The following NUGGC variants were observed in gnomAD, a reference collection of about 807,000 sequenced individuals.
NUGGC encodes the protein nuclear GTPase, germinal center associated, also known as nuclear GTPase SLIP-GC.
A neutral mutation model predicts 92.6 loss-of-function variants in NUGGC; 58 were observed. The ratio of observed to expected loss-of-function variants is 0.63; its 90% CI spans 0.51 to 0.78. The LOEUF is 0.78. Ranked by LOEUF, NUGGC falls within the 30% of genes least tolerant of loss-of-function variation. NUGGC has a pLI of 0.00. For missense variants in NUGGC, 925 were observed against 964.6 expected, an observed-to-expected ratio of 0.96 and a Z score of 0.54; for synonymous variants, 376 against 366.4, an observed-to-expected ratio of 1.03 and a Z score of -0.30.
chr8:28,067,844 C>T, intron 5 of NUGGC, 100 bp from the exon 6 acceptor site: 1 of 869,980 alleles, frequency 1.1e-6, no homozygotes, highest in Non-Finnish European at 1.8e-6. Context: ...CAGGGGGCTG[C>T]ATATTCAGAA....
intron 8 of NUGGC, among the ~76,000 whole-genome samples, chr8:28,059,568 T>C (rs1810239721): frequency 6.6e-6 from 1 of 152,216 alleles, no homozygotes; most frequent in African/African-American, 2.4e-5. Flanking sequence ...CTGGGCTTGA[T>C]ACCTAGGTGA....
intron 10 of NUGGC, among the ~76,000 whole-genome samples, chr8:28,053,565 G>C (rs926347061): frequency 6.6e-6 from 1 of 152,164 alleles, no homozygotes; most frequent in Non-Finnish European, 1.5e-5. Flanking sequence ...AAAGTGGTTG[G>C]AGAATGAAGG....
At chr8:28,056,289 T>C (rs1288757369) in intron 9 of NUGGC, among the ~76,000 whole-genome samples, 1 of 151,436 alleles carries the variant, frequency 6.6e-6, no homozygotes, top group East Asian at 1.9e-4. Flanking sequence ...CCATCCTGGC[T>C]AATCCAGTGA....
chr8:28,069,387 T>C (rs1007286048), intron 4 of NUGGC, among the ~76,000 whole-genome samples, 157 bp downstream of exon 4: 19 of 152,220 alleles, frequency 1.2e-4, no homozygotes, highest in African/African-American at 4.6e-4. Flanking sequence ...CAGTGACAGC[T>C]CAATGAATGG....
At position 28,026,989 on chromosome 8, in the gene NUGGC, C is replaced by T. The variant is rs1321459450; in HGVS notation, c.2218G>A (p.Gly740Arg). The change falls in exon 18 of 19, where the codon GGG (glycine) becomes AGG (arginine). Residue 740 changes from glycine (G) to arginine (R), a missense_variant. Transcript: ENST00000413272. ...GCAAGCTCCTTGTAGAGGCCATCCC[C>T]CTGGGACGAAGCAAGGGCCAGCATA... is the stretch of plus-strand genomic sequence containing the variant. ...TTMLALASSQ[G>R]DGLYKELADV... is the part of the protein sequence containing the mutation. The T allele has an allele frequency of 1.9e-6, 3 of 1,613,674 alleles. No individual in the cohort carries two copies. The Admixed American group carries it at 5.0e-5, about 27-fold the overall frequency.
At position 28,022,125 on chromosome 8, in the gene NUGGC, G is replaced by A. The variant is rs1453190932; in HGVS notation, c.*1192C>T. The A allele has an allele frequency of 6.9e-6, 1 of 145,432 alleles. No individual in the cohort carries two copies. Among genetic ancestry groups the A allele is most frequent in the Non-Finnish European group, 1.5e-5 (1 of 66,140 alleles). The allele number at this position is 145,432 out of a possible 1,614,324, so 9.0% of individuals were successfully genotyped here. A position where few individuals can be genotyped will look rare whatever the true frequency, so the allele number is the denominator to read the frequency against. The stretch of plus-strand genomic sequence containing the variant: ...TTTAAGTTTTTTTATGTATGGGTGT[G>A]TGTGTGTATATATATATATTTTTTT... On this transcript the variant is annotated 3_prime_UTR_variant, in exon 19 of 19. Transcript: ENST00000413272.
intron 11 of NUGGC, among the ~76,000 whole-genome samples, chr8:28,047,176 G>C (rs1282372824): frequency 1.3e-5 from 2 of 152,052 alleles, no homozygotes; most frequent in Admixed American, 6.6e-5. Context: ...CACCATGTTT[G>C]TCAGGCTGTT....
chr8:28,041,104 C>T lies in NUGGC; in HGVS notation c.1558G>A (p.Gly520Arg). The T allele has an allele frequency of 6.2e-7, 1 of 1,608,340 alleles. No individual in the cohort carries two copies. Among genetic ancestry groups the T allele is most frequent in the Non-Finnish European group, 8.5e-7 (1 of 1,177,604 alleles). ...FACMEQPLQE[G>R]VRTARTSYRC... ...TAAGAAGTCCTGGCGGTCCTGACCC[C>T]TTCTTGCAGAGGCTGCTCCATGCAG... Residue 520 changes from glycine (G) to arginine (R), a missense_variant, in exon 13 of 19, where the codon GGG becomes AGG. Physicochemically the swap from Gly to Arg is moderately radical, Grantham distance 125. Coordinates refer to ENST00000413272, the MANE Select transcript of NUGGC (RefSeq NM_001010906.2).
chr8:28,069,618 C>G lies in NUGGC; in HGVS notation c.183G>C (p.Leu61Phe). 6.2e-7 allele frequency: 1 copy of G among 1,611,532 alleles called. No homozygotes were observed. The highest frequency in any genetic ancestry group is 8.5e-7 in the Non-Finnish European group (1 of 1,177,724). ...GAATAAGTTTCTGATAAGTGTTGCT[C>G]AAAACCCTTCTGGTCCGTGATTCCA... is the stretch of plus-strand genomic sequence containing the variant. ...EKLESRTRRV[L>F]SNTYQKLIQS... Residue 61 changes from leucine to phenylalanine, a missense_variant, in exon 4 of 19, where the codon TTG becomes TTC. Physicochemically the swap from Leu to Phe is conservative, Grantham distance 22. Transcript: ENST00000413272.
chr8:28,038,028 A>G (rs1809599990), intron 13 of NUGGC, among the ~76,000 whole-genome samples: 2 of 152,220 alleles, frequency 1.3e-5, no homozygotes, highest in Non-Finnish European at 2.9e-5. Flanking sequence ...TTTTGCCATC[A>G]TGAGAGAAGC....
Position 28,023,069 on chromosome 8 carries a change from CAAA to C in NUGGC, c.*245_*247del, listed in dbSNP as rs34532311. The C allele has an allele frequency of 0.015, 3,479 of 225,030 alleles. No homozygotes were observed. The highest frequency in any genetic ancestry group is 0.024 in the South Asian group (188 of 7,754). 13.9% of individuals were successfully genotyped at this position (225,030 alleles called of 1,614,324 possible). A position where few individuals can be genotyped will look rare whatever the true frequency, so the allele number is the denominator to read the frequency against. ...TGGGTGACACAGCGAGACTCTGTCTCAAAAAAAAAAAAAAAAAAATTACCCAGG... is the reference window on the plus strand; with the variant it reads ...TGGGTGACACAGCGAGACTCTGTCTCAAAAAAAAAAAAAAAATTACCCAGG... On this transcript the variant is annotated 3_prime_UTR_variant, in exon 19 of 19. Transcript: ENST00000413272.
chr8:28,048,740 G>A (rs1809908264), intron 10 of NUGGC, among the ~76,000 whole-genome samples: 1 of 151,858 alleles, frequency 6.6e-6, no homozygotes, highest in South Asian at 2.1e-4. Context: ...GTGCGCACTT[G>A]TAGTCGCAGC....
rs543219067 is a variant in NUGGC, at chr8:28,034,448, T to G, written c.1612-751A>C. 1.8e-4 allele frequency among the ~76,000 whole-genome samples: 28 copies of G among 152,342 alleles called. 1 individual carries two copies. Among genetic ancestry groups the G allele is most frequent in the Middle Eastern group, 6.8e-3 (2 of 294 alleles). On this transcript the variant is annotated intron_variant, in intron 13 of 18. Transcript: ENST00000413272. ...GGAATGGCCACATAGCATTGTACAA[T>G]TGGTATAATTCTCTCTTTTTTCTCT...
rs903928144 is a variant in NUGGC at position 28,022,098 on chromosome 8, T to C, written c.*1219A>G. 1 of 151,316 alleles carries C rather than the reference T, an allele frequency of 6.6e-6. No individual in the cohort carries two copies. The highest frequency in any genetic ancestry group is 2.4e-5 in the African/African-American group (1 of 41,306). 9.4% of individuals were successfully genotyped at this position (151,316 alleles called of 1,614,324 possible). On this transcript the variant is annotated 3_prime_UTR_variant, in exon 19 of 19. Coordinates refer to ENST00000413272, the MANE Select transcript of NUGGC (RefSeq NM_001010906.2). Reference sequence around the variant, plus strand: ...ATATCGTGCAATGTTTTTTCTATAATGTTTAAGTTTTTTTATGTATGGGTG... The same window carrying C: ...ATATCGTGCAATGTTTTTTCTATAACGTTTAAGTTTTTTTATGTATGGGTG...
At position 28,031,247 on chromosome 8, in the gene NUGGC, T is replaced by G; in HGVS notation, c.1904A>C (p.Gln635Pro). The G allele has an allele frequency of 1.2e-6, 2 of 1,614,052 alleles. No individual in the cohort carries two copies. ...YDSCKKNFLI[Q>P]EISAILGGLE... ...CTCACTTTATAAGGAACGTACCTCCTGGATCAGGAAATTTTTTTTGCAGCT... is the reference window on the plus strand; with the variant it reads ...CTCACTTTATAAGGAACGTACCTCCGGGATCAGGAAATTTTTTTTGCAGCT... Residue 635 changes from glutamine (Q) to proline (P), a missense_variant, in exon 15 of 19, where the codon CAG (glutamine) becomes CCG (proline). Coordinates refer to ENST00000413272, the MANE Select transcript of NUGGC (RefSeq NM_001010906.2).
intron 1 of NUGGC, among the ~76,000 whole-genome samples, chr8:28,081,842 C>T (rs1291947140): frequency 6.6e-6 from 1 of 150,722 alleles, no homozygotes; most frequent in South Asian, 2.1e-4. Flanking sequence ...CATGCCACTG[C>T]ACTCCAGCCT....
intron 17 of NUGGC, among the ~76,000 whole-genome samples, chr8:28,029,060 T>TG (rs1300890380): frequency 6.6e-6 from 1 of 152,122 alleles, no homozygotes; most frequent in Non-Finnish European, 1.5e-5. Context: ...TGTCTAGCTA[T>TG]TACAGTCTCT....
intron 12 of NUGGC, among the ~76,000 whole-genome samples, chr8:28,044,192 C>A (rs1165012501): frequency 2.0e-5 from 3 of 152,170 alleles, no homozygotes; most frequent in African/African-American, 4.8e-5. Context: ...AGCTCCTCGA[C>A]CACTCACAAA....
rs147618128 is a variant in NUGGC, at chr8:28,059,460, A to G, written c.1097+966T>C. 6.0e-3 allele frequency among the ~76,000 whole-genome samples: 911 copies of G among 152,028 alleles called. 11 individuals carry two copies. Among genetic ancestry groups the G allele is most frequent in the African/African-American group, 0.019 (778 of 41,460 alleles). On this transcript the variant is annotated intron_variant, in intron 8 of 18. Transcript: ENST00000413272. ...TTTCATTGTAATTTGTTATAATACAACTCTTAGAGAATGCATCTACCTTCT... is the reference window on the plus strand; with the variant it reads ...TTTCATTGTAATTTGTTATAATACAGCTCTTAGAGAATGCATCTACCTTCT...
Sources: gnomAD v4.1 joint callset for allele counts (sites outside exome capture counted in the v4.1 genomes callset) on GRCh38, gnomAD v4.1.1 for gene constraint, MANE v1.5 for transcripts, NCBI Gene and HGNC (gene_info 2026-07-23, HGNC 2026-07-21) for gene names.